Variants in DENND4C observed in about 807,000 individuals in gnomAD.
The protein encoded by DENND4C is DENN domain containing 4C.
A neutral mutation model predicts 203.0 loss-of-function variants in DENND4C; 108 were observed. That is an observed-to-expected ratio of 0.53 (90% CI 0.46 to 0.62). DENND4C has a LOEUF of 0.62. Among genes scored for constraint, DENND4C ranks in the 20% least tolerant of loss-of-function variants. The pLI, the probability that DENND4C is intolerant of heterozygous loss-of-function variation, is 0.00. For synonymous variants in DENND4C, 871 were observed against 792.4 expected (o/e 1.10, Z -1.67); for missense variants, 2,481 against 2,301.2 (o/e 1.08, Z -1.60).
chr9:19,324,910 G>T (rs1843475265), intron 13 of DENND4C, among the ~76,000 whole-genome samples: 1 of 152,026 alleles, frequency 6.6e-6, no homozygotes, highest in African/African-American at 2.4e-5. Flanking sequence ...TAGAGATGAG[G>T]TCTCACTGTA....
intron 32 of DENND4C, 42 bp from the exon 33 acceptor site, chr9:19,371,995 T>C (rs757356462): frequency 1.3e-6 from 2 of 1,591,626 alleles, no homozygotes; most frequent in Non-Finnish European, 1.7e-6. Context: ...GCTGTTGTCT[T>C]TCTTAACAAA....
chr9:19,278,288 A>G (rs1833320031), intron 2 of DENND4C, among the ~76,000 whole-genome samples: 1 of 152,032 alleles, frequency 6.6e-6, no homozygotes, highest in African/African-American at 2.4e-5. Flanking sequence ...GGCGTGCACC[A>G]CTATGCCTGG....
intron 20 of DENND4C, among the ~76,000 whole-genome samples, chr9:19,338,106 A>G (rs939642920): frequency 2.0e-5 from 3 of 152,140 alleles, no homozygotes; most frequent in African/African-American, 4.8e-5. Context: ...ACAGGTTACA[A>G]TCCTGTTTGT....
At chr9:19,280,517 G>T (rs1182883073) in intron 2 of DENND4C, among the ~76,000 whole-genome samples, 4 of 152,024 alleles carry the variant, frequency 2.6e-5, no homozygotes, top group African/African-American at 9.7e-5. Context: ...GGTTGCAGTG[G>T]AGTGACATTA....
At chr9:19,364,910 C>CG (rs1361844813) in intron 30 of DENND4C, among the ~76,000 whole-genome samples, 3 of 149,016 alleles carry the variant, frequency 2.0e-5, no homozygotes, top group Admixed American at 6.7e-5. Context: ...AAAAAGAAAA[C>CG]GAAAAAAAAA....
intron 1 of DENND4C, among the ~76,000 whole-genome samples, chr9:19,235,803 G>A (rs1047465582): frequency 6.6e-6 from 1 of 151,566 alleles, no homozygotes; most frequent in Non-Finnish European, 1.5e-5. Flanking sequence ...GTAGAGATGG[G>A]GTTTCACCGT....
At chr9:19,264,757 T>TC (rs1482495323) in intron 1 of DENND4C, among the ~76,000 whole-genome samples, 27 of 152,282 alleles carry the variant, frequency 1.8e-4, no homozygotes, top group African/African-American at 5.8e-4. Context: ...AGTTTTTTTT[T>TC]CCTTTCATCT....
At chr9:19,316,349 C>A in intron 10 of DENND4C, 68 bp from the exon 11 acceptor site, 1 of 1,276,986 alleles carries the variant, frequency 7.8e-7, no homozygotes, top group Non-Finnish European at 1.1e-6. Context: ...TAGGTTGATG[C>A]AAGAATTTTG....
chr9:19,359,700 T>C (rs919931916), intron 28 of DENND4C, among the ~76,000 whole-genome samples: 8 of 149,090 alleles, frequency 5.4e-5, no homozygotes, highest in Admixed American at 4.6e-4. Context: ...AAACATTTTA[T>C]CCTGATTATA....
At chr9:19,371,150 T>G (rs953666120) in intron 31 of DENND4C, among the ~76,000 whole-genome samples, 1 of 152,236 alleles carries the variant, frequency 6.6e-6, no homozygotes, top group Non-Finnish European at 1.5e-5. Context: ...TCAGTGCATT[T>G]CTTAAGTTTT....
intron 12 of DENND4C, among the ~76,000 whole-genome samples, chr9:19,321,770 T>A (rs1352307903): frequency 6.7e-6 from 1 of 149,442 alleles, no homozygotes; most frequent in East Asian, 2.0e-4. Context: ...AGGTGGAGGT[T>A]GTAGTGAGCC....
At chr9:19,351,063 T>A (rs1388291075) in intron 24 of DENND4C, among the ~76,000 whole-genome samples, 184 bp downstream of exon 24, 1 of 152,076 alleles carries the variant, frequency 6.6e-6, no homozygotes, top group African/African-American at 2.4e-5. Flanking sequence ...GCGCCTGGCC[T>A]GTCTTTGCTT....
chr9:19,316,050 C>G (rs561580868), intron 10 of DENND4C, among the ~76,000 whole-genome samples: 2 of 152,170 alleles, frequency 1.3e-5, no homozygotes, highest in Non-Finnish European at 2.9e-5. Context: ...CAGTTCTTGT[C>G]TTTGGGCACA....
chr9:19,232,997 A>G (rs920424581), intron 1 of DENND4C, among the ~76,000 whole-genome samples: 2 of 151,892 alleles, frequency 1.3e-5, no homozygotes, highest in African/African-American at 4.8e-5. Context: ...AAGCTAGGGG[A>G]ATCTCTTAGA....
intron 12 of DENND4C, among the ~76,000 whole-genome samples, chr9:19,320,823 G>C (rs976481117): frequency 6.6e-6 from 1 of 152,200 alleles, no homozygotes; most frequent in Non-Finnish European, 1.5e-5. Flanking sequence ...TGGTCTAGCA[G>C]CCTTTGCTGA....
At chr9:19,286,316 T>C (rs11999393) in intron 2 of DENND4C, among the ~76,000 whole-genome samples, 221 of 152,308 alleles carry the variant, frequency 1.5e-3, no homozygotes, top group African/African-American at 4.9e-3. Context: ...TTTATTCAGC[T>C]CTTTAATTTC....
rs533308722 is a variant in DENND4C at position 19,372,134 on chromosome 9, C to G, written c.5838C>G (p.Val1946=). 3.1e-6 allele frequency: 5 copies of G among 1,613,826 alleles called. No individual in the cohort carries two copies. In the African/African-American group the frequency reaches 6.7e-5, roughly 22 times the overall value. Residue 1946 remains valine, a synonymous_variant, in exon 33 of 33, where the codon GTC becomes GTG. Transcript: ENST00000434457. ...TTGATGCTCCACCAAGTGCCAGTGTCGAGTGGTGCAGGAAGTGTTTTGGAG... is the reference window on the plus strand; with the variant it reads ...TTGATGCTCCACCAAGTGCCAGTGTGGAGTGGTGCAGGAAGTGTTTTGGAG... ...QKIDAPPSAS[V]EWCRKCFGAP... is the part of the protein sequence containing the mutation.
At chr9:19,345,309 T>C (rs1427061903) in intron 22 of DENND4C, among the ~76,000 whole-genome samples, 2 of 152,238 alleles carry the variant, frequency 1.3e-5, no homozygotes, top group Non-Finnish European at 2.9e-5. Flanking sequence ...AGGCTAGGAT[T>C]ATGTCTGTTT....
chr9:19,285,945 C>T (rs547660189), intron 2 of DENND4C, among the ~76,000 whole-genome samples: 3 of 152,268 alleles, frequency 2.0e-5, no homozygotes, highest in African/African-American at 7.2e-5. Flanking sequence ...ATACATTGCA[C>T]TGATTACTGT....
Sources: gnomAD v4.1 joint callset for allele counts (sites outside exome capture counted in the v4.1 genomes callset) on GRCh38, gnomAD v4.1.1 for gene constraint, MANE v1.5 for transcripts, NCBI Gene and HGNC (gene_info 2026-07-23, HGNC 2026-07-21) for gene names.